Variants in RASA3 observed in about 807,000 individuals in gnomAD.
RASA3 encodes the protein RAS p21 protein activator 3.
In RASA3, 73 loss-of-function variants were observed where a neutral mutation model predicts 110.0. The observed-to-expected ratio is 0.66, with a 90% CI of 0.55 to 0.81. The LOEUF is 0.81. Ranked by LOEUF, RASA3 falls within the 30% of genes least tolerant of loss-of-function variation. The probability of loss-of-function intolerance (pLI) is 0.00; values close to 1 mark genes in which losing one functional copy is unlikely to be tolerated. For missense variants in RASA3, 976 were observed against 1,113.2 expected, an observed-to-expected ratio of 0.88 and a Z score of 1.75; for synonymous variants, 500 against 451.4, an observed-to-expected ratio of 1.11 and a Z score of -1.37.
At chr13:113,995,712 A>G (rs1462699585) in intron 21 of RASA3, among the ~76,000 whole-genome samples, 6 of 41,598 alleles carry the variant, frequency 1.4e-4, no homozygotes, top group South Asian at 1.0e-3. Flanking sequence ...TGGCTGACGG[A>G]GGACCCAGCT....
chr13:114,040,532 G>A, intron 4 of RASA3, among the ~76,000 whole-genome samples: 2 of 141,266 alleles, frequency 1.4e-5, no homozygotes, highest in Admixed American at 6.9e-5. Flanking sequence ...ATCCATGGCG[G>A]AGCCCGCGCT....
intron 18 of RASA3, among the ~76,000 whole-genome samples, chr13:114,002,315 G>A (rs1394854010): frequency 1.3e-5 from 2 of 152,238 alleles, no homozygotes; most frequent in African/African-American, 4.8e-5. Flanking sequence ...GCTGCTGGGA[G>A]CTGTTCAAGA....
At chr13:114,127,452 T>G (rs896576843) in intron 1 of RASA3, among the ~76,000 whole-genome samples, 5 of 152,190 alleles carry the variant, frequency 3.3e-5, no homozygotes, top group African/African-American at 9.6e-5. Context: ...GTCTTGGGCC[T>G]CCCAGGCCAC....
chr13:114,093,678 G>A (rs1018601755), intron 1 of RASA3, among the ~76,000 whole-genome samples: 1 of 151,922 alleles, frequency 6.6e-6, no homozygotes, highest in African/African-American at 2.4e-5. Flanking sequence ...TTTTAACTCT[G>A]ATAGCTTGAA....
intron 2 of RASA3, among the ~76,000 whole-genome samples, chr13:114,052,767 C>T (rs1401306150): frequency 6.8e-6 from 1 of 146,182 alleles, no homozygotes; most frequent in Non-Finnish European, 1.5e-5. Context: ...AGTCCTGGCT[C>T]CTGGGGGAGA....
chr13:114,074,800 G>A (rs931314723), intron 1 of RASA3, among the ~76,000 whole-genome samples: 6 of 152,230 alleles, frequency 3.9e-5, no homozygotes, highest in African/African-American at 1.2e-4. Flanking sequence ...GTTTGCCAGG[G>A]GTCAGTCTGG....
chr13:114,026,792 A>C (rs1270118044), intron 7 of RASA3, among the ~76,000 whole-genome samples: 1 of 152,162 alleles, frequency 6.6e-6, no homozygotes, highest in Non-Finnish European at 1.5e-5. Context: ...AGCTGTCCCC[A>C]AACCGCACCG....
chr13:114,013,923 C>T (rs200332219), intron 14 of RASA3, among the ~76,000 whole-genome samples: 3 of 42,928 alleles, frequency 7.0e-5, no homozygotes, highest in Non-Finnish European at 1.2e-4. Context: ...TCTCTCTCTC[C>T]GTCTCTCTCT....
chr13:114,130,829 C>T (rs899434260), intron 1 of RASA3, among the ~76,000 whole-genome samples: 6 of 152,184 alleles, frequency 3.9e-5, no homozygotes, highest in Non-Finnish European at 8.8e-5. Context: ...CCACCTCCAG[C>T]CCTCCTGCCC....
At position 114,112,516 on chromosome 13, in the gene RASA3, G is replaced by A. The variant is rs539700206; in HGVS notation, c.55+19919C>T. On this transcript the variant is annotated intron_variant, in intron 1 of 23. Coordinates refer to ENST00000334062, the MANE Select transcript of RASA3 (RefSeq NM_007368.4). This position sits in a 1 kb window ranked among gnomAD's most constrained non-coding sequence, Gnocchi z 4.8. ...TCTGCAGGGCCGGTGGAAAGAGATC[G>A]CCAGCCCCAGCTCTGTAGGGGTGCG... 4.6e-5 allele frequency among the ~76,000 whole-genome samples: 7 copies of A among 152,270 alleles called. No individual in the cohort carries two copies. The highest frequency in any genetic ancestry group is 2.1e-4 in the South Asian group (1 of 4,828).
At chr13:114,121,964 G>A (rs1241763075) in intron 1 of RASA3, among the ~76,000 whole-genome samples, 1 of 152,258 alleles carries the variant, frequency 6.6e-6, no homozygotes, top group Non-Finnish European at 1.5e-5. Context: ...TGGCTGAGGG[G>A]CACACAGGGC....
chr13:114,127,827 G>T (rs2080470337), intron 1 of RASA3, among the ~76,000 whole-genome samples: 2 of 152,204 alleles, frequency 1.3e-5, no homozygotes, highest in Admixed American at 1.3e-4. Context: ...GAGCTGGGGT[G>T]CTTGGGCCCA....
At chr13:114,106,344 TA>T (rs2080135645) in intron 1 of RASA3, among the ~76,000 whole-genome samples, 2 of 152,292 alleles carry the variant, frequency 1.3e-5, no homozygotes, top group South Asian at 4.1e-4. Flanking sequence ...CTTGAAAACT[TA>T]AAATTAGCTT....
At chr13:114,023,637 G>GCTCTCTAAATCCTGGGC (rs2053972853) in intron 8 of RASA3, among the ~76,000 whole-genome samples, 1 of 152,218 alleles carries the variant, frequency 6.6e-6, no homozygotes, top group African/African-American at 2.4e-5. Flanking sequence ...GGATCGTGGG[G>GCTCTCTAAATCCTGGGC]CTCTCTAAAT....
At chr13:113,993,658 A>G (rs907043626) in intron 21 of RASA3, among the ~76,000 whole-genome samples, 1 of 151,528 alleles carries the variant, frequency 6.6e-6, no homozygotes, top group Non-Finnish European at 1.5e-5. Flanking sequence ...AAATACAAAA[A>G]TTAGCCAGGT....
intron 3 of RASA3, among the ~76,000 whole-genome samples, chr13:114,047,885 C>T (rs2079079562): frequency 6.6e-6 from 1 of 152,360 alleles, no homozygotes; most frequent in East Asian, 1.9e-4. Flanking sequence ...CCAAAGGGGC[C>T]CAAAGGAGTG....
intron 1 of RASA3, 74 bp downstream of exon 1, chr13:114,132,361 G>C: frequency 4.3e-6 from 6 of 1,390,134 alleles, no homozygotes; most frequent in Non-Finnish European, 5.6e-6. Flanking sequence ...AAGGATCTGC[G>C]GAGGGGAGGC....
At chr13:113,996,461 C>A in intron 21 of RASA3, 70 bp downstream of exon 21, 3 of 1,450,388 alleles carry the variant, frequency 2.1e-6, no homozygotes, top group Admixed American at 1.8e-5. Context: ...TCTGCTGGTC[C>A]CTCCCTACTC....
rs2053378718 is a variant in RASA3, at chr13:114,000,861, A to G, written c.1814T>C (p.Leu605Ser). ...MKNFKKRWFRLTNHEFTYHKS... is the reference protein window; with the variant it reads ...MKNFKKRWFRSTNHEFTYHKS... ...GTGGTAGGTAAATTCATGGTTGGTC[A>G]AGCGAAACCATCTCTTCTTAAAATT... Residue 605 changes from leucine to serine, a missense_variant, in exon 19 of 24, where the codon TTG becomes TCG. Around this residue, in one of 4 missense-constraint regions of RASA3, gnomAD observed 109 missense variants for 162.5 expected, o/e 0.67. Coordinates refer to ENST00000334062, the MANE Select transcript of RASA3 (RefSeq NM_007368.4). 1 of 1,613,682 alleles carries G rather than the reference A, an allele frequency of 6.2e-7. No individual in the cohort carries two copies. Among genetic ancestry groups the G allele is most frequent in the Non-Finnish European group, 8.5e-7 (1 of 1,179,756 alleles).
Sources: gnomAD v4.1 joint callset for allele counts (sites outside exome capture counted in the v4.1 genomes callset) on GRCh38, gnomAD v4.1.1 for gene constraint, gnomAD v4.1.1 regional missense constraint, Gnocchi (gnomAD v3.1) non-coding constraint, MANE v1.5 for transcripts, NCBI Gene and HGNC (gene_info 2026-07-23, HGNC 2026-07-21) for gene names.